FBXO36: variants seen among roughly 807,000 people sequenced by gnomAD.
FBXO36 encodes F-box protein 36, also known as F-box only protein 36.
FBXO36 carries 18 observed loss-of-function variants against 17.0 expected under a neutral mutation model. That is an observed-to-expected ratio of 1.06 (90% CI 0.73 to 1.57). The LOEUF (loss-of-function observed/expected upper bound fraction) is 1.57. Among genes scored for constraint, FBXO36 ranks in the 40% most tolerant of loss-of-function variants. The pLI, the probability that FBXO36 is intolerant of heterozygous loss-of-function variation, is 0.00. For synonymous variants in FBXO36, 83 were observed against 85.3 expected (o/e 0.97, Z 0.15); for missense variants, 229 against 221.9 (o/e 1.03, Z -0.20).
chr2:229,972,244 C>G (rs1387472540), intron 1 of FBXO36, among the ~76,000 whole-genome samples: 1 of 147,860 alleles, frequency 6.8e-6, no homozygotes, highest in African/African-American at 2.5e-5. Context: ...GTGATCTGCC[C>G]GCCTTGGCCT....
At position 229,995,592 on chromosome 2, in the gene FBXO36, CTTTCTTT is replaced by C. The variant is rs200052182; in HGVS notation, c.206-1155_206-1149del. On this transcript the variant is annotated intron_variant, in intron 2 of 3. Coordinates refer to ENST00000283946, the MANE Select transcript of FBXO36 (RefSeq NM_174899.5). ...TTTCTTTCTTTCTTTCTCTTTCTTT[CTTTCTTT>C]TTTTTTTTTTTGGACAGAATTTCGC... 2.5e-3 allele frequency among the ~76,000 whole-genome samples: 289 copies of C among 114,554 alleles called. 4 individuals are homozygous for C. The East Asian group carries it at 0.06, about 24-fold the overall frequency. The allele number at this position is 114,554 out of a possible 152,430, so 75.2% of individuals were successfully genotyped here.
At chr2:229,929,240 TC>T (rs2076927074) in intron 1 of FBXO36, among the ~76,000 whole-genome samples, 1 of 152,012 alleles carries the variant, frequency 6.6e-6, no homozygotes, top group Non-Finnish European at 1.5e-5. Flanking sequence ...GGCCTCTTTT[TC>T]TTTTTAATAT....
At position 229,996,905 on chromosome 2, in the gene FBXO36, A is replaced by G. The variant is rs1277328501; in HGVS notation, c.360A>G (p.Thr120=). 1 of 1,613,444 alleles carries G rather than the reference A, an allele frequency of 6.2e-7. No homozygotes were observed. Among genetic ancestry groups the G allele is most frequent in the East Asian group, 2.2e-5 (1 of 44,848 alleles). Residue 120 remains threonine (T), a synonymous_variant, in exon 3 of 4, where the codon ACA becomes ACG. Coordinates refer to ENST00000283946, the MANE Select transcript of FBXO36 (RefSeq NM_174899.5). ...AAGATATTGCCAGGCTTTGTCAAAC[A>G]TCACACAGATTTGCAAAGGTAACGG... ...DLEDIARLCQ[T]SHRFAKLCMS... is the part of the protein sequence containing the mutation.
chr2:229,923,846 TG>T (rs373025991), intron 1 of FBXO36, among the ~76,000 whole-genome samples: 2,928 of 129,812 alleles, frequency 0.023, 127 homozygotes, highest in African/African-American at 0.082. Context: ...TTTTTGGTGT[TG>T]TTTTTTTTTT....
chr2:230,007,355 A>G (rs188281877), intron 3 of FBXO36, among the ~76,000 whole-genome samples: 1 of 152,338 alleles, frequency 6.6e-6, no homozygotes, highest in East Asian at 1.9e-4. Context: ...CTTAGGAAGA[A>G]AACCACTCCT....
At position 229,943,516 on chromosome 2, in the gene FBXO36, A is replaced by T. The variant is rs542319902; in HGVS notation, c.96+20907A>T. ...AGGCTGTGCAAGGCCAAGTTAATAG[A>T]TGTTTGGAGTTCATAAATCATGGTG... On this transcript the variant is annotated intron_variant, in intron 1 of 3. Transcript: ENST00000283946. Among the ~76,000 whole-genome samples, 470 of 152,164 alleles carry T rather than the reference A, an allele frequency of 3.1e-3. 5 individuals carry two copies. The highest frequency in any genetic ancestry group is 2.9e-3 in the Non-Finnish European group (200 of 67,992).
intron 1 of FBXO36, among the ~76,000 whole-genome samples, chr2:229,965,197 C>T (rs1388481281): frequency 7.3e-6 from 1 of 137,922 alleles, no homozygotes; most frequent in Middle Eastern, 4.9e-3. Flanking sequence ...GTTGCCCAGG[C>T]TCGTCTCAAA....
chr2:229,996,064 C>A (rs1276972248), intron 2 of FBXO36, among the ~76,000 whole-genome samples: 1 of 151,498 alleles, frequency 6.6e-6, no homozygotes, highest in Non-Finnish European at 1.5e-5. Flanking sequence ...TTGCTTGAGC[C>A]CAGGAGTTCT....
intron 3 of FBXO36, among the ~76,000 whole-genome samples, chr2:230,001,106 A>G (rs2077356184): frequency 6.6e-6 from 1 of 151,604 alleles, no homozygotes; most frequent in Admixed American, 6.6e-5. Flanking sequence ...TGATCCACCT[A>G]CCTCAGCCTC....
chr2:229,975,306 T>A (rs1217343860), intron 1 of FBXO36, among the ~76,000 whole-genome samples: 1 of 152,156 alleles, frequency 6.6e-6, no homozygotes, highest in African/African-American at 2.4e-5. Flanking sequence ...GGGAAAATTA[T>A]CCACTCATCT....
intron 3 of FBXO36, among the ~76,000 whole-genome samples, chr2:230,006,794 G>A (rs555310908): frequency 6.4e-4 from 98 of 152,234 alleles, no homozygotes; most frequent in Non-Finnish European, 1.0e-3. Flanking sequence ...AGGCTCCCAC[G>A]GCCAGACCTG....
intron 1 of FBXO36, chr2:229,932,874 C>T (rs1169108828): frequency 3.0e-6 from 1 of 330,788 alleles, no homozygotes; most frequent in South Asian, 2.2e-5. Context: ...TGGAGACCAG[C>T]CTGACAAACA....
intron 1 of FBXO36, among the ~76,000 whole-genome samples, chr2:229,941,555 G>C (rs1037323136): frequency 6.6e-6 from 1 of 151,738 alleles, no homozygotes; most frequent in African/African-American, 2.4e-5. Flanking sequence ...GAGGAAGCTC[G>C]AAGTGGCCAT....
At chr2:230,010,224 G>T (rs766896973) in intron 3 of FBXO36, among the ~76,000 whole-genome samples, 12 of 152,180 alleles carry the variant, frequency 7.9e-5, no homozygotes, top group Non-Finnish European at 1.8e-4. Flanking sequence ...TTGCGCCATT[G>T]CACTCCAGCC....
chr2:229,978,302 G>T (rs917887099), intron 2 of FBXO36, among the ~76,000 whole-genome samples: 1 of 147,946 alleles, frequency 6.8e-6, no homozygotes, highest in African/African-American at 2.5e-5. Flanking sequence ...AATAATAATA[G>T]CTGGGCACGG....
intron 1 of FBXO36, among the ~76,000 whole-genome samples, chr2:229,961,191 C>A (rs1456625486): frequency 6.6e-6 from 1 of 151,972 alleles, no homozygotes; most frequent in Non-Finnish European, 1.5e-5. Context: ...TCCTTTCTTC[C>A]CAATTTGAAA....
intron 1 of FBXO36, among the ~76,000 whole-genome samples, chr2:229,958,967 A>G (rs2077106526): frequency 6.6e-6 from 1 of 152,148 alleles, no homozygotes; most frequent in Admixed American, 6.6e-5. Context: ...ACCCAAGGTC[A>G]CCCAGTTAGT....
chr2:229,991,661 C>T (rs1194738041), intron 2 of FBXO36, among the ~76,000 whole-genome samples: 2 of 152,188 alleles, frequency 1.3e-5, no homozygotes, highest in Non-Finnish European at 2.9e-5. Context: ...TTTTTACCAA[C>T]ATAATTCTCT....
At chr2:229,936,309 C>T (rs2076963737) in intron 1 of FBXO36, among the ~76,000 whole-genome samples, 1 of 152,212 alleles carries the variant, frequency 6.6e-6, no homozygotes, top group African/African-American at 2.4e-5. Flanking sequence ...TATCCTACAA[C>T]TTCAATCATT....
Sources: gnomAD v4.1 joint callset for allele counts (sites outside exome capture counted in the v4.1 genomes callset) on GRCh38, gnomAD v4.1.1 for gene constraint, MANE v1.5 for transcripts, NCBI Gene and HGNC (gene_info 2026-07-23, HGNC 2026-07-21) for gene names.